TXNRD2: variants seen among roughly 807,000 people sequenced by gnomAD.
TXNRD2 encodes the protein thioredoxin reductase 2, mitochondrial.
A neutral mutation model predicts 70.8 loss-of-function variants in TXNRD2; 67 were observed. The ratio of observed to expected loss-of-function variants is 0.95; its 90% CI spans 0.78 to 1.16. TXNRD2 has a LOEUF of 1.16. Ranked by LOEUF, TXNRD2 falls within the 50% of genes most tolerant of loss-of-function variation. The probability of loss-of-function intolerance (pLI) is 0.00; values close to 1 mark genes in which losing one functional copy is unlikely to be tolerated. For synonymous variants in TXNRD2, 301 were observed against 295.8 expected (o/e 1.02, Z -0.18); for missense variants, 644 against 719.9 (o/e 0.89, Z 1.21).
At chr22:19,925,154 T>TGG (rs1569108240) in intron 2 of TXNRD2, among the ~76,000 whole-genome samples, 10 of 151,380 alleles carry the variant, frequency 6.6e-5, no homozygotes, top group Non-Finnish European at 1.3e-4. Context: ...CATGGTGGCA[T>TGG]GCGCCTGTAG....
rs952416115 is a variant in TXNRD2, at chr22:19,875,635, G to A, written c.*238C>T. The A allele has an allele frequency of 1.2e-5, 1 of 84,600 alleles. No homozygotes were observed. Among genetic ancestry groups the A allele is most frequent in the Non-Finnish European group, 2.1e-5 (1 of 48,114 alleles). 5.2% of individuals were successfully genotyped at this position (84,600 alleles called of 1,614,324 possible). A position where few individuals can be genotyped will look rare whatever the true frequency, so the allele number is the denominator to read the frequency against. Reference sequence around the variant, plus strand: ...GTCATCATCTGGCACCAGGAGCCTGGGGGGGGGTGCCCGGCGGCAGAGGCT... The same window carrying A: ...GTCATCATCTGGCACCAGGAGCCTGAGGGGGGGTGCCCGGCGGCAGAGGCT... On this transcript the variant is annotated 3_prime_UTR_variant, in exon 18 of 18. Coordinates refer to ENST00000400521, the MANE Select transcript of TXNRD2 (RefSeq NM_006440.5).
rs375350567 is a variant in TXNRD2 at position 19,911,464 on chromosome 22, G to T, written c.592-17C>A. 6.8e-5 allele frequency: 110 copies of T among 1,606,108 alleles called. No individual in the cohort carries two copies. In the African/African-American group the frequency reaches 1.3e-3, roughly 19 times the overall value. On this transcript the variant is annotated splice_polypyrimidine_tract_variant and intron_variant, in intron 7 of 17. Coordinates refer to ENST00000400521, the MANE Select transcript of TXNRD2 (RefSeq NM_006440.5). ...ACCTTCGATCTGTCAAGACAGAAAT[G>T]ACCCCTTGGACAAGAGCTCCATTTG...
intron 8 of TXNRD2, among the ~76,000 whole-genome samples, chr22:19,900,592 T>C (rs1387143417): frequency 6.6e-6 from 1 of 151,874 alleles, no homozygotes; most frequent in Non-Finnish European, 1.5e-5. Context: ...CTACTAAAAA[T>C]ACAAAAAATT....
intron 5 of TXNRD2, chr22:19,916,189 C>T (rs557101497): frequency 8.7e-6 from 3 of 343,486 alleles, no homozygotes; most frequent in Non-Finnish European, 1.7e-5. Context: ...GGACATGTTC[C>T]AGCAGGGAGC....
chr22:19,910,227 T>C (rs1200870022), intron 8 of TXNRD2, among the ~76,000 whole-genome samples: 1 of 152,252 alleles, frequency 6.6e-6, no homozygotes, highest in Non-Finnish European at 1.5e-5. Context: ...CGGAATGCAC[T>C]TAGTGACTCT....
intron 8 of TXNRD2, among the ~76,000 whole-genome samples, chr22:19,910,173 G>A (rs1396323923): frequency 1.3e-5 from 2 of 152,246 alleles, no homozygotes; most frequent in Non-Finnish European, 2.9e-5. Context: ...ACAGGCAGGA[G>A]CTGCCTGGAC....
chr22:19,926,133 A>G (rs1393967960), intron 2 of TXNRD2, among the ~76,000 whole-genome samples: 2 of 150,086 alleles, frequency 1.3e-5, no homozygotes, highest in Non-Finnish European at 3.0e-5. Flanking sequence ...ATGGTACTCC[A>G]GCCTGGGCAA....
chr22:19,883,604 G>A (rs1182445260), intron 11 of TXNRD2, 143 bp from the exon 12 acceptor site: 19 of 1,201,682 alleles, frequency 1.6e-5, no homozygotes, highest in African/African-American at 6.0e-5. Context: ...GTAGGAGGAC[G>A]AGGTGGGCAA....
chr22:19,930,374 C>T (rs1256574572), intron 2 of TXNRD2, among the ~76,000 whole-genome samples: 2 of 152,094 alleles, frequency 1.3e-5, no homozygotes, highest in Non-Finnish European at 2.9e-5. Context: ...CCAGAGCAGA[C>T]CAGGAACTCC....
chr22:19,886,642 A>G (rs1939045272), intron 11 of TXNRD2, among the ~76,000 whole-genome samples: 1 of 152,256 alleles, frequency 6.6e-6, no homozygotes. Flanking sequence ...CATTTAGGGA[A>G]AGAAGGGTGC....
At chr22:19,936,940 G>A (rs966250584) in intron 1 of TXNRD2, among the ~76,000 whole-genome samples, 3 of 152,110 alleles carry the variant, frequency 2.0e-5, no homozygotes, top group Admixed American at 1.3e-4. Context: ...AATGCTCAAG[G>A]GGTACAAGTG....
At chr22:19,891,980 C>G (rs1939281915) in intron 11 of TXNRD2, among the ~76,000 whole-genome samples, 1 of 152,254 alleles carries the variant, frequency 6.6e-6, no homozygotes, top group Admixed American at 6.5e-5. Context: ...GGCACACGGG[C>G]AACGGGCAGG....
At chr22:19,888,918 T>C (rs1047719362) in intron 11 of TXNRD2, among the ~76,000 whole-genome samples, 7 of 148,410 alleles carry the variant, frequency 4.7e-5, no homozygotes, top group Non-Finnish European at 7.4e-5. Flanking sequence ...ACCTTCTCAA[T>C]GAGCCCCGGG....
intron 8 of TXNRD2, among the ~76,000 whole-genome samples, chr22:19,906,151 C>G (rs183394528): frequency 6.6e-6 from 1 of 152,188 alleles, no homozygotes; most frequent in Non-Finnish European, 1.5e-5. Flanking sequence ...AAGAGAAAAG[C>G]CAGACGTGAA....
chr22:19,898,172 G>T, intron 9 of TXNRD2, 42 bp from the exon 10 acceptor site: 1 of 1,522,954 alleles, frequency 6.6e-7, no homozygotes. Flanking sequence ...TCCCAATTTT[G>T]GAAATGATGG....
At chr22:19,895,695 G>T in intron 10 of TXNRD2, 114 bp from the exon 11 acceptor site, 1 of 1,160,782 alleles carries the variant, frequency 8.6e-7, no homozygotes, top group Non-Finnish European at 1.2e-6. Context: ...CTGTGCGGAA[G>T]ACGGGGTGAG....
chr22:19,911,437 G>C lies in TXNRD2; in HGVS notation c.602C>G (p.Ala201Gly), dbSNP rs1232981976. The C allele has an allele frequency of 6.2e-7, 1 of 1,613,664 alleles. No homozygotes were observed. The highest frequency in any genetic ancestry group is 8.5e-7 in the Non-Finnish European group (1 of 1,179,702). Residue 201 changes from alanine to glycine, a missense_variant, in exon 8 of 18, where the codon GCC becomes GGC. Physicochemically the swap from Ala to Gly is moderately conservative, Grantham distance 60. Around this residue, in one of 3 missense-constraint regions of TXNRD2, gnomAD observed 566 missense variants for 645.0 expected, o/e 0.88. Transcript: ENST00000400521. ...RPRYPTHIEG[A>G]LEYGITSDDI... is the part of the protein sequence containing the mutation. ...ATCACTTGTGATTCCATATTCCAAG[G>C]CACCTTCGATCTGTCAAGACAGAAA...
chr22:19,899,866 C>T (rs1053753925), intron 8 of TXNRD2, among the ~76,000 whole-genome samples: 17 of 152,210 alleles, frequency 1.1e-4, no homozygotes, highest in African/African-American at 4.1e-4. Context: ...CATGCACACA[C>T]ATGCAAACGG....
Position 19,931,146 on chromosome 22 carries a change from G to A in TXNRD2, c.104-48C>T, listed in dbSNP as rs777474044. 68 of 1,564,662 alleles carry A rather than the reference G, an allele frequency of 4.3e-5. 1 individual carries two copies. The highest frequency in any genetic ancestry group is 6.7e-5 in the Admixed American group (4 of 59,902). ...GGACGGACTGTCTGTCTGGTTAAAC[G>A]TGGTACAGGATCAATTTTATCAGGA... is the stretch of plus-strand genomic sequence containing the variant. On this transcript the variant is annotated intron_variant, in intron 1 of 17. Coordinates refer to ENST00000400521, the MANE Select transcript of TXNRD2 (RefSeq NM_006440.5).
Sources: gnomAD v4.1 joint callset for allele counts (sites outside exome capture counted in the v4.1 genomes callset) on GRCh38, gnomAD v4.1.1 for gene constraint, gnomAD v4.1.1 regional missense constraint, MANE v1.5 for transcripts, NCBI Gene and HGNC (gene_info 2026-07-23, HGNC 2026-07-21) for gene names.